GP6: variants seen among roughly 807,000 people sequenced by gnomAD.
GP6 encodes platelet glycoprotein VI.
GP6 carries 45 observed loss-of-function variants against 37.3 expected under a neutral mutation model. That is an observed-to-expected ratio of 1.21 (90% confidence interval 0.95 to 1.55). The LOEUF is 1.55. Among genes scored for constraint, GP6 ranks in the 40% most tolerant of loss-of-function variants. GP6 has a pLI of 0.00. For synonymous variants in GP6, 340 were observed against 316.4 expected (o/e 1.07, Z -0.79); for missense variants, 813 against 760.2 (o/e 1.07, Z -0.82).
At chr19:55,037,482 C>T (rs1180445074) in intron 1 of GP6, among the ~76,000 whole-genome samples, 2 of 151,968 alleles carry the variant, frequency 1.3e-5, no homozygotes, top group African/African-American at 4.8e-5. Flanking sequence ...GGATTACAGG[C>T]ATGTGCCACC....
intron 5 of GP6, 48 bp from the exon 6 acceptor site, chr19:55,018,759 C>T (rs749371162): frequency 1.8e-5 from 21 of 1,179,742 alleles, no homozygotes; most frequent in Non-Finnish European, 2.4e-5. Flanking sequence ...TCCCTATATC[C>T]TCTAGATATC....
At chr19:55,037,755 C>T (rs2074890855) in intron 1 of GP6, among the ~76,000 whole-genome samples, 2 of 151,048 alleles carry the variant, frequency 1.3e-5, no homozygotes, top group South Asian at 4.2e-4. Context: ...CCTCAGCCTC[C>T]CACGTAGCTG....
At chr19:55,023,461 G>GT (rs1354690278) in intron 5 of GP6, among the ~76,000 whole-genome samples, 5 of 152,142 alleles carry the variant, frequency 3.3e-5, no homozygotes, top group African/African-American at 1.2e-4. Context: ...CCTTGCAATA[G>GT]TAAGTGAATT....
chr19:55,014,698 C>T lies in GP6; in HGVS notation c.1247G>A (p.Arg416Lys). The change falls in exon 8 of 8, where the codon AGG (arginine) becomes AAG (lysine). Residue 416 changes from arginine to lysine, a missense_variant. Arg to Lys is a conservative substitution (Grantham distance 26, BLOSUM62 2). Transcript: ENST00000310373. ...AGGAGGATGGGGTCTCCACAGATTC[C>T]TTCCATCCCAAATGGAGGGTGCCCT... The T allele has an allele frequency of 6.2e-7, 1 of 1,614,024 alleles. No individual in the cohort carries two copies. Among genetic ancestry groups the T allele is most frequent in the Non-Finnish European group, 8.5e-7 (1 of 1,179,932 alleles).
intron 6 of GP6, among the ~76,000 whole-genome samples, chr19:55,017,797 G>A (rs766053976): frequency 5.3e-5 from 8 of 152,118 alleles, no homozygotes; most frequent in Non-Finnish European, 1.0e-4. Flanking sequence ...TATGCCGGGC[G>A]CGGTGGCTCA....
intron 1 of GP6, among the ~76,000 whole-genome samples, chr19:55,037,867 C>T (rs1228807859): frequency 2.6e-5 from 4 of 152,042 alleles, no homozygotes; most frequent in African/African-American, 9.7e-5. Flanking sequence ...AGGTGATCCA[C>T]CCACCTCGGC....
At chr19:55,020,061 G>A (rs1037866670) in intron 5 of GP6, among the ~76,000 whole-genome samples, 8 of 151,848 alleles carry the variant, frequency 5.3e-5, no homozygotes, top group Non-Finnish European at 1.0e-4. Context: ...AGCTCTTGTT[G>A]CAGTGGGTAC....
chr19:55,022,229 T>G (rs1309116104), intron 5 of GP6, among the ~76,000 whole-genome samples: 1 of 152,228 alleles, frequency 6.6e-6, no homozygotes, highest in Non-Finnish European at 1.5e-5. Flanking sequence ...TGCCCATGCC[T>G]GTGTCCTGAA....
rs114026078 is a variant in GP6 at position 55,017,541 on chromosome 19, T to C, written c.724+1111A>G. On this transcript the variant is annotated intron_variant, in intron 6 of 7. Coordinates refer to ENST00000310373, the MANE Select transcript of GP6 (RefSeq NM_001083899.2). The stretch of plus-strand genomic sequence containing the variant: ...TGGGGAAATGGAAGAAAAGGCAGAG[T>C]GAGTGGGTTGGGTGCAGAGTCAGGA... 7.5e-3 allele frequency among the ~76,000 whole-genome samples: 1,137 copies of C among 151,040 alleles called. 12 individuals are homozygous for C. The highest frequency in any genetic ancestry group is 0.027 in the African/African-American group (1,098 of 41,066).
rs371909202 is a variant in GP6 at position 55,029,784 on chromosome 19, G to A, written c.326-1922C>T. ...GGCCACTTTGACTAGGGTGGTGGGG[G>A]ATATACTTAGCGAGAAGAGAGTATT... On this transcript the variant is annotated intron_variant, in intron 3 of 7. Transcript: ENST00000310373. Among the ~76,000 whole-genome samples the A allele has an allele frequency of 4.0e-5, 6 of 151,854 alleles. No homozygotes were observed. In the East Asian group the frequency reaches 1.2e-3, roughly 29 times the overall value.
At chr19:55,023,338 A>T (rs1038010369) in intron 5 of GP6, among the ~76,000 whole-genome samples, 2 of 152,194 alleles carry the variant, frequency 1.3e-5, no homozygotes, top group African/African-American at 4.8e-5. Context: ...ATACAGTTTG[A>T]ATATGTGTTC....
intron 6 of GP6, among the ~76,000 whole-genome samples, chr19:55,016,949 A>T (rs1341616810): frequency 6.6e-6 from 1 of 151,904 alleles, no homozygotes; most frequent in African/African-American, 2.4e-5. Flanking sequence ...CCAGCTACTC[A>T]GGAGCCGGAG....
rs1030945851 is a variant in GP6 at position 55,021,072 on chromosome 19, A to T, written c.665-2361T>A. Among the ~76,000 whole-genome samples, 8 of 99,880 alleles carry T rather than the reference A, an allele frequency of 8.0e-5. 1 individual carries two copies. Among genetic ancestry groups the T allele is most frequent in the Admixed American group, 7.8e-4 (7 of 8,920 alleles). 65.5% of individuals were successfully genotyped at this position (99,880 alleles called of 152,430 possible). On this transcript the variant is annotated intron_variant, in intron 5 of 7. Coordinates refer to ENST00000310373, the MANE Select transcript of GP6 (RefSeq NM_001083899.2). ...GTTTAAAAAAAAAAAAAAAAAAAAA[A>T]GGTGGCCCTGGTGCGGTGGCTCACG...
At chr19:55,017,837 G>A (rs184404747) in intron 6 of GP6, among the ~76,000 whole-genome samples, 2 of 152,186 alleles carry the variant, frequency 1.3e-5, no homozygotes, top group Non-Finnish European at 2.9e-5. Context: ...TTGGGAGGCC[G>A]AGACAGGTGG....
At chr19:55,018,937 C>T (rs992052329) in intron 5 of GP6, 6 of 599,998 alleles carry the variant, frequency 1.0e-5, no homozygotes, top group Non-Finnish European at 1.8e-5. Context: ...TTTTTTTCCA[C>T]GTTTTGCTGT....
At chr19:55,032,444 G>T (rs2074600623) in intron 2 of GP6, 48 bp from the exon 3 acceptor site, 7 of 1,612,430 alleles carry the variant, frequency 4.3e-6, no homozygotes, top group South Asian at 1.1e-5. Context: ...ACCCCGCCTG[G>T]ACCCCGCTGC....
intron 6 of GP6, among the ~76,000 whole-genome samples, chr19:55,016,423 TG>T (rs2073877821): frequency 6.8e-6 from 1 of 147,490 alleles, no homozygotes; most frequent in Admixed American, 6.8e-5. Context: ...TCTCCCAGGC[TG>T]GAGTGCAGTG....
chr19:55,021,709 A>G (rs962214146), intron 5 of GP6, among the ~76,000 whole-genome samples: 5 of 151,576 alleles, frequency 3.3e-5, no homozygotes, highest in African/African-American at 1.2e-4. Flanking sequence ...TTTAATAGAG[A>G]CGGGGTTTCA....
intron 1 of GP6, among the ~76,000 whole-genome samples, chr19:55,034,385 T>C (rs1191503364): frequency 6.6e-6 from 1 of 151,794 alleles, no homozygotes; most frequent in Non-Finnish European, 1.5e-5. Context: ...TGAAACACCA[T>C]CTCTACTAAA....
Sources: allele counts gnomAD v4.1 joint callset (sites outside exome capture counted in the v4.1 genomes callset), GRCh38; gene constraint gnomAD v4.1.1; transcripts MANE v1.5; gene names NCBI Gene and HGNC (gene_info 2026-07-23, HGNC 2026-07-21).